THSD7B: variants seen among roughly 807,000 people sequenced by gnomAD.
THSD7B encodes the protein thrombospondin type-1 domain-containing protein 7B.
THSD7B carries 138 observed loss-of-function variants against 213.6 expected under a neutral mutation model. The ratio of observed to expected loss-of-function variants is 0.65; its 90% CI spans 0.56 to 0.74. The LOEUF is 0.74. Ranked by LOEUF, THSD7B falls within the 30% of genes least tolerant of loss-of-function variation. The pLI is 0.00. For missense variants in THSD7B, 1,931 were observed against 1,991.5 expected, an observed-to-expected ratio of 0.97 and a Z score of 0.58; for synonymous variants, 742 against 687.0, an observed-to-expected ratio of 1.08 and a Z score of -1.25.
intron 18 of THSD7B, among the ~76,000 whole-genome samples, chr2:137,617,521 A>G (rs1682429416): frequency 6.6e-6 from 1 of 152,206 alleles, no homozygotes; most frequent in Non-Finnish European, 1.5e-5. Flanking sequence ...GTAACAGTCC[A>G]TACAGTTTTG....
At chr2:137,048,092 T>A (rs1271741266) in intron 2 of THSD7B, among the ~76,000 whole-genome samples, 1 of 151,844 alleles carries the variant, frequency 6.6e-6, no homozygotes, top group Non-Finnish European at 1.5e-5. Context: ...TGTTGTGTGA[T>A]GTTCCCCTCC....
intron 3 of THSD7B, among the ~76,000 whole-genome samples, chr2:137,069,569 A>G (rs186223660): frequency 2.8e-4 from 42 of 152,120 alleles, no homozygotes; most frequent in Admixed American, 2.0e-3. Context: ...CACTTTAGTT[A>G]AATGAATGCA....
chr2:137,657,978 T>C (rs749822808), intron 24 of THSD7B, among the ~76,000 whole-genome samples: 3 of 152,208 alleles, frequency 2.0e-5, no homozygotes, highest in Non-Finnish European at 2.9e-5. Context: ...CCCAAAGTGC[T>C]GGGATTACAG....
At chr2:137,432,235 C>G (rs530863810) in intron 14 of THSD7B, among the ~76,000 whole-genome samples, 2 of 151,860 alleles carry the variant, frequency 1.3e-5, no homozygotes. Flanking sequence ...TACTAAAATC[C>G]AAAAAATTAG....
At chr2:137,408,064 G>A (rs1214032684) in intron 13 of THSD7B, among the ~76,000 whole-genome samples, 1 of 151,922 alleles carries the variant, frequency 6.6e-6, no homozygotes, top group Non-Finnish European at 1.5e-5. Flanking sequence ...AAAGGTTAAT[G>A]CTGATTTTGA....
At chr2:136,860,066 G>A (rs1683236232) in intron 1 of THSD7B, among the ~76,000 whole-genome samples, 1 of 146,152 alleles carries the variant, frequency 6.8e-6, no homozygotes, top group Non-Finnish European at 1.5e-5. Context: ...CGCCCAGGCT[G>A]GAGTGCAGCG....
At chr2:137,555,458 T>C (rs538052814) in intron 15 of THSD7B, among the ~76,000 whole-genome samples, 1 of 152,120 alleles carries the variant, frequency 6.6e-6, no homozygotes, top group South Asian at 2.1e-4. Context: ...TCCAGCAAAC[T>C]CCAACAGACC....
At chr2:137,615,425 G>A (rs775536710) in intron 17 of THSD7B, among the ~76,000 whole-genome samples, 2 of 152,178 alleles carry the variant, frequency 1.3e-5, no homozygotes, top group African/African-American at 2.4e-5. Flanking sequence ...AAGATTGTTC[G>A]AGTAGGAGGA....
At chr2:137,072,369 G>A (rs1204383850) in intron 3 of THSD7B, among the ~76,000 whole-genome samples, 5 of 151,854 alleles carry the variant, frequency 3.3e-5, no homozygotes, top group South Asian at 4.1e-4. Context: ...CTTTGAAGCA[G>A]TTGTGAATGG....
At chr2:137,276,551 A>T (rs1190184913) in intron 12 of THSD7B, among the ~76,000 whole-genome samples, 1 of 152,128 alleles carries the variant, frequency 6.6e-6, no homozygotes, top group African/African-American at 2.4e-5. Context: ...AGACATATGA[A>T]TAAGCTTCTG....
rs545705368 is a variant in THSD7B at position 137,515,332 on chromosome 2, T to C, written c.3139-47889T>C. Among the ~76,000 whole-genome samples the C allele has an allele frequency of 2.0e-5, 3 of 152,300 alleles. No individual in the cohort carries two copies. In the East Asian group the frequency reaches 5.8e-4, roughly 29 times the overall value. ...GCCTTTCCACCTTTGTCTGAAGTGATAAACCTTGCACTGCCTGAGGCAATA... is the reference window on the plus strand; with the variant it reads ...GCCTTTCCACCTTTGTCTGAAGTGACAAACCTTGCACTGCCTGAGGCAATA... On this transcript the variant is annotated intron_variant, in intron 15 of 27. Coordinates refer to ENST00000409968, the MANE Select transcript of THSD7B (RefSeq NM_001316349.2).
At chr2:137,633,213 G>A (rs1682773813) in intron 20 of THSD7B, among the ~76,000 whole-genome samples, 2 of 152,148 alleles carry the variant, frequency 1.3e-5, no homozygotes, top group African/African-American at 4.8e-5. Context: ...GAGAAGTACA[G>A]CTTTAACCAC....
At chr2:137,514,573 C>G (rs1229039566) in intron 15 of THSD7B, among the ~76,000 whole-genome samples, 1 of 152,140 alleles carries the variant, frequency 6.6e-6, no homozygotes, top group Non-Finnish European at 1.5e-5. Context: ...CTCTAGAGAA[C>G]TCTGACTAAT....
intron 15 of THSD7B, among the ~76,000 whole-genome samples, chr2:137,553,840 A>G (rs546690202): frequency 1.3e-5 from 2 of 152,354 alleles, no homozygotes; most frequent in East Asian, 3.9e-4. Context: ...ACAGCAACGT[A>G]AAATAGGCAG....
At chr2:136,783,994 A>G (rs908328441) in intron 1 of THSD7B, among the ~76,000 whole-genome samples, 5 of 152,224 alleles carry the variant, frequency 3.3e-5, no homozygotes, top group African/African-American at 9.6e-5. Flanking sequence ...AAAAGTGTGA[A>G]GCATAGGCCA....
At chr2:137,179,653 AT>A (rs757551161) in intron 7 of THSD7B, among the ~76,000 whole-genome samples, 1 of 151,934 alleles carries the variant, frequency 6.6e-6, no homozygotes, top group Non-Finnish European at 1.5e-5. Context: ...ATAATCAAAT[AT>A]TTTTTGAATT....
chr2:136,996,766 A>G (rs1256963178), intron 2 of THSD7B, among the ~76,000 whole-genome samples: 7 of 152,242 alleles, frequency 4.6e-5, no homozygotes, highest in Non-Finnish European at 7.3e-5. Context: ...AGCATGTTGG[A>G]TGCCAAAACA....
chr2:137,020,413 T>C (rs1686420942), intron 2 of THSD7B, among the ~76,000 whole-genome samples: 1 of 152,180 alleles, frequency 6.6e-6, no homozygotes, highest in Non-Finnish European at 1.5e-5. Flanking sequence ...GCAATCGCTT[T>C]AGAAAATTGA....
intron 15 of THSD7B, among the ~76,000 whole-genome samples, chr2:137,518,528 A>G (rs1477549757): frequency 2.0e-5 from 3 of 152,214 alleles, no homozygotes; most frequent in African/African-American, 4.8e-5. Flanking sequence ...GCGATGAGGT[A>G]TGTGGATGGA....
Sources: gnomAD v4.1 joint callset for allele counts (sites outside exome capture counted in the v4.1 genomes callset) on GRCh38, gnomAD v4.1.1 for gene constraint, MANE v1.5 for transcripts, NCBI Gene and HGNC (gene_info 2026-07-23, HGNC 2026-07-21) for gene names.